UIMC1: variants seen among roughly 807,000 people sequenced by gnomAD.
The protein encoded by UIMC1 is BRCA1-A complex subunit RAP80.
UIMC1 carries 42 observed loss-of-function variants against 84.9 expected under a neutral mutation model. That is an observed-to-expected ratio of 0.49 (90% confidence interval 0.39 to 0.64). The LOEUF is 0.64. UIMC1 is among the 30% of genes least tolerant of loss of function. UIMC1 has a pLI of 0.00. For synonymous variants in UIMC1, 281 were observed against 293.0 expected, an observed-to-expected ratio of 0.96 and a Z score of 0.42; for missense variants, 825 against 847.6, an observed-to-expected ratio of 0.97 and a Z score of 0.33.
chr5:177,003,327 G>C (rs1164705670), intron 1 of UIMC1, among the ~76,000 whole-genome samples: 3 of 152,070 alleles, frequency 2.0e-5, no homozygotes, highest in African/African-American at 7.2e-5. Flanking sequence ...TAATATAAAA[G>C]GATATGGCTG....
At chr5:177,017,797 C>T (rs1775703796) in intron 1 of UIMC1, among the ~76,000 whole-genome samples, 2 of 151,538 alleles carry the variant, frequency 1.3e-5, no homozygotes, top group South Asian at 4.2e-4. Context: ...GGACCAAAGG[C>T]ACACACCACC....
intron 10 of UIMC1, among the ~76,000 whole-genome samples, chr5:176,940,908 G>A (rs1007792305): frequency 6.6e-6 from 1 of 152,118 alleles, no homozygotes. Context: ...ATGCATAAAG[G>A]GAAGCTTGGA....
At position 176,960,830 on chromosome 5, in the gene UIMC1, G is replaced by A. The variant is rs1319898963; in HGVS notation, c.1201-2676C>T. On this transcript the variant is annotated intron_variant, in intron 6 of 14. Coordinates refer to ENST00000511320, the MANE Select transcript of UIMC1 (RefSeq NM_001199298.2). The stretch of plus-strand genomic sequence containing the variant: ...CTGGTTTTGGTGGAGACGGGGTTTC[G>A]CTGTGTTGGCCGGGCCGGTCTCCAG... Among the ~76,000 whole-genome samples the A allele has an allele frequency of 5.9e-4, 36 of 61,484 alleles. 9 individuals carry two copies. The highest frequency in any genetic ancestry group is 1.0e-3 in the Non-Finnish European group (34 of 34,022). The allele number at this position is 61,484 out of a possible 152,430, so 40.3% of individuals were successfully genotyped here. A position where few individuals can be genotyped will look rare whatever the true frequency, so the allele number is the denominator to read the frequency against.
chr5:176,924,932 G>GA (rs1428914925), intron 10 of UIMC1, among the ~76,000 whole-genome samples: 2 of 151,456 alleles, frequency 1.3e-5, no homozygotes, highest in Admixed American at 6.6e-5. Context: ...TCAGGAGGCT[G>GA]AGGCAGGAGA....
In UIMC1 at chr5:176,991,927, G is replaced by A. The variant is rs141560957; in HGVS notation, c.-8-9304C>T. ...AGCCTGTGAGACAGAGCGAGACTCC[G>A]TTTCAAAAAAAGAAAGACCCCACCT... is the stretch of plus-strand genomic sequence containing the variant. On this transcript the variant is annotated intron_variant, in intron 1 of 14. Coordinates refer to ENST00000511320, the MANE Select transcript of UIMC1 (RefSeq NM_001199298.2). Among the ~76,000 whole-genome samples the A allele has an allele frequency of 9.1e-3, 1,390 of 151,932 alleles. 8 individuals are homozygous for A. Among genetic ancestry groups the A allele is most frequent in the South Asian group, 0.026 (123 of 4,808 alleles).
At chr5:176,956,139 A>C in intron 7 of UIMC1, 104 bp from the exon 8 acceptor site, 1 of 1,043,818 alleles carries the variant, frequency 9.6e-7, no homozygotes, top group Non-Finnish European at 1.4e-6. Context: ...AATCACAGAT[A>C]CTTGCTGCCT....
At chr5:176,945,276 C>T (rs1173053658) in intron 9 of UIMC1, among the ~76,000 whole-genome samples, 2 of 152,206 alleles carry the variant, frequency 1.3e-5, no homozygotes, top group Non-Finnish European at 2.9e-5. Flanking sequence ...CCAGGTTCCT[C>T]TGTTCATAAA....
chr5:176,925,272 G>C (rs1325882593), intron 10 of UIMC1, among the ~76,000 whole-genome samples: 1 of 151,974 alleles, frequency 6.6e-6, no homozygotes, highest in African/African-American at 2.4e-5. Context: ...TAGCCATCAG[G>C]GAATGCAATT....
intron 1 of UIMC1, among the ~76,000 whole-genome samples, chr5:176,985,172 T>TA (rs1286995756): frequency 2.5e-4 from 38 of 152,116 alleles, no homozygotes; most frequent in African/African-American, 9.2e-4. Context: ...GAGAGAAACA[T>TA]AGACTGGGCA....
rs757455690 is a variant in UIMC1, at chr5:176,982,594, C to G, written c.22G>C (p.Val8Leu). The change falls in exon 2 of 15, where the codon GTT becomes CTT. Residue 8 changes from valine (V) to leucine (L), a missense_variant. Coordinates refer to ENST00000511320, the MANE Select transcript of UIMC1 (RefSeq NM_001199298.2). MPRRKKK[V>L]KEVSESRNLE... ...TTCCGAGATTCGGAGACTTCTTTAA[C>G]TTTTTTCTTTCTCCGTGGCATCCTT... 21 of 1,613,854 alleles carry G rather than the reference C, an allele frequency of 1.3e-5. No individual in the cohort carries two copies. The Middle Eastern group carries it at 4.9e-4, about 38-fold the overall frequency.
In UIMC1 at chr5:176,998,466, C is replaced by CAAAAAAAAAAAAAAAAAAAAAAAAAA. The variant is rs35445945; in HGVS notation, c.-9+8183_-9+8184insTTTTTTTTTTTTTTTTTTTTTTTTTT. ...TGGACGACAGAGCAAGACTCTGTCT[C>CAAAAAAAAAAAAAAAAAAAAAAAAAA]AAAAAAAAAAAAAAAAAAAGTCTGG... On this transcript the variant is annotated intron_variant, in intron 1 of 14. Coordinates refer to ENST00000511320, the MANE Select transcript of UIMC1 (RefSeq NM_001199298.2). 3.1e-5 allele frequency among the ~76,000 whole-genome samples: 2 copies of CAAAAAAAAAAAAAAAAAAAAAAAAAA among 64,402 alleles called. 1 individual carries two copies. The highest frequency in any genetic ancestry group is 1.3e-4 in the African/African-American group (2 of 15,106). The allele number at this position is 64,402 out of a possible 152,430, so 42.3% of individuals were successfully genotyped here.
chr5:177,010,720 A>G (rs1775529078), upstream of UIMC1, among the ~76,000 whole-genome samples: 1 of 152,034 alleles, frequency 6.6e-6, no homozygotes, highest in Admixed American at 6.6e-5. Flanking sequence ...ATTGGGTTTC[A>G]CCATGTTGGC....
chr5:176,909,191 A>G (rs1021659466), intron 11 of UIMC1, among the ~76,000 whole-genome samples: 4 of 152,196 alleles, frequency 2.6e-5, no homozygotes, highest in Non-Finnish European at 5.9e-5. Context: ...TGCAACATCA[A>G]CTAAGAAGTT....
chr5:176,911,212 G>A, intron 11 of UIMC1, 99 bp downstream of exon 11: 3 of 938,492 alleles, frequency 3.2e-6, no homozygotes, highest in Non-Finnish European at 4.5e-6. Context: ...CAATTGGCAG[G>A]CCAAAGAAAT....
rs138517623 is a variant in UIMC1, at chr5:176,947,536, C to T, written c.1443+3938G>A. On this transcript the variant is annotated intron_variant, in intron 9 of 14. Coordinates refer to ENST00000511320, the MANE Select transcript of UIMC1 (RefSeq NM_001199298.2). ...TTTAAAATATTATACAACTATTTTT[C>T]GGCCAGGCACGGTGGCTCACGCCTG... 8.0e-4 allele frequency among the ~76,000 whole-genome samples: 121 copies of T among 152,102 alleles called. 3 individuals are homozygous for T. The East Asian group carries it at 0.021, about 26-fold the overall frequency.
At chr5:176,963,548 G>A (rs1024813810) in intron 6 of UIMC1, among the ~76,000 whole-genome samples, 2 of 149,236 alleles carry the variant, frequency 1.3e-5, no homozygotes, top group African/African-American at 4.9e-5. Flanking sequence ...AAGTGAAAAT[G>A]AATAGATAAA....
intron 9 of UIMC1, among the ~76,000 whole-genome samples, chr5:176,949,427 A>C (rs1181832832): frequency 6.6e-6 from 1 of 152,230 alleles, no homozygotes; most frequent in African/African-American, 2.4e-5. Context: ...GATGGGTATG[A>C]AATCAGCCTT....
chr5:176,942,714 C>A (rs541165000), intron 10 of UIMC1, among the ~76,000 whole-genome samples: 5 of 146,338 alleles, frequency 3.4e-5, no homozygotes, highest in African/African-American at 1.3e-4. Context: ...CCACTGCACT[C>A]CAGCCTGGGC....
At chr5:177,005,047 ACCAC>A (rs1378409596) in intron 1 of UIMC1, among the ~76,000 whole-genome samples, 1 of 151,078 alleles carries the variant, frequency 6.6e-6, no homozygotes, top group South Asian at 2.1e-4. Flanking sequence ...GGCACGCGCC[ACCAC>A]GCCCAGCTAA....
Sources: allele counts gnomAD v4.1 joint callset (sites outside exome capture counted in the v4.1 genomes callset), GRCh38; gene constraint gnomAD v4.1.1; transcripts MANE v1.5; gene names NCBI Gene and HGNC (gene_info 2026-07-23, HGNC 2026-07-21).